BAIAP2: variants seen among roughly 807,000 people sequenced by gnomAD.
BAIAP2 encodes the protein BAR/IMD domain containing adaptor protein 2, also known as BAR/IMD domain-containing adapter protein 2.
A neutral mutation model predicts 63.0 loss-of-function variants in BAIAP2; 18 were observed. The ratio of observed to expected loss-of-function variants is 0.29; its 90% CI spans 0.20 to 0.42. The LOEUF is 0.42. BAIAP2 is among the 10% of genes least tolerant of loss of function. The pLI, the probability that BAIAP2 is intolerant of heterozygous loss-of-function variation, is 1.00. For missense variants in BAIAP2, 610 were observed against 734.3 expected, an observed-to-expected ratio of 0.83 and a Z score of 1.96; for synonymous variants, 386 against 307.6, an observed-to-expected ratio of 1.25 and a Z score of -2.67.
At chr17:81,052,182 T>C (rs916115345) in intron 1 of BAIAP2, among the ~76,000 whole-genome samples, 6 of 152,186 alleles carry the variant, frequency 3.9e-5, no homozygotes, top group Non-Finnish European at 8.8e-5. Flanking sequence ...TCGGGGCCTT[T>C]GCCCTGCCCT....
chr17:81,106,802 C>G lies in BAIAP2; in HGVS notation c.1395C>G (p.Ala465=). ...TGNLLDKDDL[A]IPPPDYGAAS... ...ACCTCCTGGACAAGGACGACCTGGC[C>G]ATCCCACCCCCCGATTACGGCGCCG... Residue 465 remains alanine, a synonymous_variant, in exon 12 of 14, where the codon GCC becomes GCG. Transcript: ENST00000428708. 3.7e-6 allele frequency: 6 copies of G among 1,612,512 alleles called. No homozygotes were observed. The highest frequency in any genetic ancestry group is 5.1e-6 in the Non-Finnish European group (6 of 1,179,742).
intron 3 of BAIAP2, among the ~76,000 whole-genome samples, chr17:81,062,670 G>T (rs2144526336): frequency 6.7e-6 from 1 of 148,180 alleles, no homozygotes; most frequent in South Asian, 2.2e-4. Flanking sequence ...ACCATTTGGG[G>T]AATTGTCTTT....
intron 6 of BAIAP2, chr17:81,097,772 C>G (rs1438526391): frequency 1.4e-5 from 3 of 220,062 alleles, no homozygotes; most frequent in Non-Finnish European, 2.7e-5. Flanking sequence ...AGCTGGCTCC[C>G]TGCTGAAGCA....
intron 1 of BAIAP2, among the ~76,000 whole-genome samples, chr17:81,043,751 T>C (rs932038043): frequency 6.6e-6 from 1 of 152,074 alleles, no homozygotes; most frequent in African/African-American, 2.4e-5. Context: ...CAGGGAGAAG[T>C]GTGTCCCCGC....
chr17:81,062,382 T>A (rs1598588978), intron 3 of BAIAP2, among the ~76,000 whole-genome samples: 1 of 152,334 alleles, frequency 6.6e-6, no homozygotes, highest in East Asian at 1.9e-4. Context: ...TCTGTGGTAT[T>A]TATTATGACG....
chr17:81,108,635 C>T, intron 13 of BAIAP2, 126 bp downstream of exon 13: 1 of 1,260,408 alleles, frequency 7.9e-7, no homozygotes, highest in Non-Finnish European at 1.1e-6. Context: ...GCCCTTCACC[C>T]CTGTCAGAGC....
intron 13 of BAIAP2, among the ~76,000 whole-genome samples, chr17:81,112,525 G>A (rs1349558861): frequency 6.6e-6 from 1 of 152,242 alleles, no homozygotes; most frequent in Non-Finnish European, 1.5e-5. Context: ...GGAGGGGCGA[G>A]CGTCCCTGGC....
chr17:81,037,847 G>C (rs954405436), intron 1 of BAIAP2, among the ~76,000 whole-genome samples: 1 of 152,260 alleles, frequency 6.6e-6, no homozygotes, highest in Non-Finnish European at 1.5e-5. Flanking sequence ...CCTTGGCCTT[G>C]GTGATTAAAA....
chr17:81,067,073 G>A (rs1415665309), intron 3 of BAIAP2, among the ~76,000 whole-genome samples: 1 of 152,262 alleles, frequency 6.6e-6, no homozygotes, highest in African/African-American at 2.4e-5. Context: ...GCCTGCAGAT[G>A]AGAGGGAAGC....
intron 6 of BAIAP2, among the ~76,000 whole-genome samples, chr17:81,088,105 T>C (rs2056028350): frequency 6.6e-6 from 1 of 152,066 alleles, no homozygotes; most frequent in South Asian, 2.1e-4. Flanking sequence ...TTTTGCTACT[T>C]TGCTTTCTGA....
At chr17:81,085,820 C>G (rs1271607362) in intron 5 of BAIAP2, 95 bp downstream of exon 5, 3 of 938,400 alleles carry the variant, frequency 3.2e-6, no homozygotes, top group African/African-American at 1.6e-5. Context: ...AGGCTTCCCA[C>G]TTCCCCGAGC....
chr17:81,049,235 T>TG (rs1465020531), intron 1 of BAIAP2, among the ~76,000 whole-genome samples: 1 of 152,040 alleles, frequency 6.6e-6, no homozygotes, highest in Non-Finnish European at 1.5e-5. Flanking sequence ...CAGGGGGGCA[T>TG]GGGGTCACAG....
At chr17:81,075,393 C>T (rs1281066783) in intron 3 of BAIAP2, among the ~76,000 whole-genome samples, 1 of 152,226 alleles carries the variant, frequency 6.6e-6, no homozygotes, top group East Asian at 1.9e-4. Flanking sequence ...GGTTTGGCCT[C>T]AATCTTTGAA....
rs1366320640 is a variant in BAIAP2, at chr17:81,115,882, C to T, written c.*43C>T. ...CTGCCCATCTGGTGGCTTCCCCCGCCCTTCCCATGTAGCCTGTTCTGTCAT... is the reference window on the plus strand; with the variant it reads ...CTGCCCATCTGGTGGCTTCCCCCGCTCTTCCCATGTAGCCTGTTCTGTCAT... On this transcript the variant is annotated 3_prime_UTR_variant, in exon 14 of 14. Transcript: ENST00000428708. 2 of 1,610,524 alleles carry T rather than the reference C, an allele frequency of 1.2e-6. No individual in the cohort carries two copies. The highest frequency in any genetic ancestry group is 3.3e-5 in the Admixed American group (2 of 59,888).
chr17:81,069,742 T>C (rs1042359146), intron 3 of BAIAP2, among the ~76,000 whole-genome samples: 1 of 152,116 alleles, frequency 6.6e-6, no homozygotes, highest in African/African-American at 2.4e-5. Context: ...GTCTGGCCAG[T>C]ACGTTCCTAG....
intron 1 of BAIAP2, among the ~76,000 whole-genome samples, chr17:81,051,734 G>A (rs79004683): frequency 1.3e-5 from 2 of 152,146 alleles, no homozygotes; most frequent in African/African-American, 4.8e-5. Flanking sequence ...CTGTCACCCA[G>A]GCTGGAGTAC....
intron 6 of BAIAP2, chr17:81,098,185 C>CT (rs2057959091): frequency 6.9e-7 from 1 of 1,446,298 alleles, no homozygotes; most frequent in African/African-American, 1.4e-5. Flanking sequence ...ACCTACAGCC[C>CT]TGTTGGTCAG....
intron 13 of BAIAP2, among the ~76,000 whole-genome samples, chr17:81,113,257 ACTTTC>A (rs1473674987): frequency 5.3e-5 from 8 of 152,084 alleles, no homozygotes; most frequent in East Asian, 3.9e-4. Flanking sequence ...ACGTCTGGTG[ACTTTC>A]CTTTGCTGGC....
intron 6 of BAIAP2, among the ~76,000 whole-genome samples, chr17:81,092,207 G>A (rs72634326): frequency 0.22 from 34,215 of 152,306 alleles, 4,290 homozygotes; most frequent in East Asian, 0.49. Flanking sequence ...CGGAGCACCA[G>A]GCTCCTGGGA....
Sources: allele counts gnomAD v4.1 joint callset (sites outside exome capture counted in the v4.1 genomes callset), GRCh38; gene constraint gnomAD v4.1.1; transcripts MANE v1.5; gene names NCBI Gene and HGNC (gene_info 2026-07-23, HGNC 2026-07-21).